Variants in KCNT1 observed in about 807,000 individuals in gnomAD.
The protein encoded by KCNT1 is potassium channel subfamily T member 1.
KCNT1 carries 78 observed loss-of-function variants against 147.8 expected under a neutral mutation model. That is an observed-to-expected ratio of 0.53 (90% CI 0.44 to 0.64). The LOEUF (loss-of-function observed/expected upper bound fraction) is 0.64. Ranked by LOEUF, KCNT1 falls within the 30% of genes least tolerant of loss-of-function variation. The pLI, the probability that KCNT1 is intolerant of heterozygous loss-of-function variation, is 0.00. For missense variants in KCNT1, 1,419 were observed against 1,750.3 expected, an observed-to-expected ratio of 0.81 and a Z score of 3.38; for synonymous variants, 867 against 748.8, an observed-to-expected ratio of 1.16 and a Z score of -2.58.
intron 11 of KCNT1, among the ~76,000 whole-genome samples, chr9:135,763,498 G>A (rs1832052622): frequency 6.6e-6 from 1 of 152,206 alleles, no homozygotes; most frequent in African/African-American, 2.4e-5. Context: ...CGCCAGCCCT[G>A]GAGGACAGAA....
At chr9:135,716,776 T>G (rs538875608) in intron 2 of KCNT1, among the ~76,000 whole-genome samples, 1 of 152,078 alleles carries the variant, frequency 6.6e-6, no homozygotes, top group Non-Finnish European at 1.5e-5. Context: ...GAAAGGCCCA[T>G]GGGGTACAGG....
At chr9:135,763,983 G>A (rs1832086760) in intron 11 of KCNT1, among the ~76,000 whole-genome samples, 1 of 152,144 alleles carries the variant, frequency 6.6e-6, no homozygotes, top group South Asian at 2.1e-4. Context: ...CGGTCGCCCT[G>A]GAGTCTTGAG....
chr9:135,779,882 A>C (rs1184150447), intron 24 of KCNT1, among the ~76,000 whole-genome samples: 1 of 152,260 alleles, frequency 6.6e-6, no homozygotes, highest in Admixed American at 6.5e-5. Flanking sequence ...CGGCTGCACC[A>C]TTCCAGACTT....
At chr9:135,782,591 CCCTGCTG>C in intron 24 of KCNT1, among the ~76,000 whole-genome samples, 2 of 152,220 alleles carry the variant, frequency 1.3e-5, no homozygotes, top group East Asian at 3.8e-4. Context: ...CCCGCTCAGC[CCCTGCTG>C]AAGCCCTCCT....
At chr9:135,757,521 G>A in intron 9 of KCNT1, 140 bp downstream of exon 9, 1 of 721,406 alleles carries the variant, frequency 1.4e-6, no homozygotes, top group Non-Finnish European at 2.4e-6. Context: ...CAGGGCAGCA[G>A]AAACTCTGTC....
Position 135,725,759 on chromosome 9 carries a change from C to T in KCNT1, c.254+11039C>T, listed in dbSNP as rs143259624. On this transcript the variant is annotated intron_variant, in intron 2 of 30. Coordinates refer to ENST00000371757, the MANE Select transcript of KCNT1 (RefSeq NM_020822.3). ...CCTTGCTGGGTTTGGGACCCTCAGC[C>T]GGGTCCAGGCGGACAGAGTCTGTTT... Among the ~76,000 whole-genome samples the T allele has an allele frequency of 7.8e-3, 1,183 of 152,344 alleles. 11 individuals are homozygous for T. Among genetic ancestry groups the T allele is most frequent in the Non-Finnish European group, 0.012 (786 of 68,032 alleles).
At position 135,784,198 on chromosome 9, in the gene KCNT1, G is replaced by A. The variant is rs375540013; in HGVS notation, c.2943+73G>A. On this transcript the variant is annotated intron_variant, in intron 25 of 30. Coordinates refer to ENST00000371757, the MANE Select transcript of KCNT1 (RefSeq NM_020822.3). ...CGTCATGCCCTCAGCTCTTCAGCCTGGTCCCTGTTCTGAATGATAGGACTC... is the reference window on the plus strand; with the variant it reads ...CGTCATGCCCTCAGCTCTTCAGCCTAGTCCCTGTTCTGAATGATAGGACTC... The A allele has an allele frequency of 1.5e-4, 186 of 1,203,898 alleles. No individual in the cohort carries two copies. The African/African-American group carries it at 2.6e-3, about 17-fold the overall frequency. 74.6% of individuals were successfully genotyped at this position (1,203,898 alleles called of 1,614,324 possible).
chr9:135,789,576 G>A (rs544846963), intron 29 of KCNT1: 2 of 152,398 alleles, frequency 1.3e-5, no homozygotes, highest in South Asian at 2.1e-4. Context: ...GAAGGAAACT[G>A]AGGCTCGGGT....
At chr9:135,706,700 T>C (rs1312310157) in intron 1 of KCNT1, among the ~76,000 whole-genome samples, 1 of 152,174 alleles carries the variant, frequency 6.6e-6, no homozygotes, top group African/African-American at 2.4e-5. Flanking sequence ...CAGGCACCAA[T>C]AGTGCTTTTG....
At chr9:135,708,236 C>T (rs1303761040) in intron 1 of KCNT1, among the ~76,000 whole-genome samples, 1 of 152,168 alleles carries the variant, frequency 6.6e-6, no homozygotes, top group Non-Finnish European at 1.5e-5. Context: ...ACACATATGT[C>T]CACATGTGCA....
intron 2 of KCNT1, among the ~76,000 whole-genome samples, chr9:135,746,362 A>AG (rs2031219493): frequency 1.3e-5 from 2 of 152,092 alleles, no homozygotes; most frequent in South Asian, 2.1e-4. Flanking sequence ...TCTCTCCCTA[A>AG]GGGGGGCTCA....
At chr9:135,735,701 G>A (rs1340511815) in intron 2 of KCNT1, among the ~76,000 whole-genome samples, 1 of 152,122 alleles carries the variant, frequency 6.6e-6, no homozygotes, top group Non-Finnish European at 1.5e-5. Context: ...GTTGGTTGGG[G>A]GAAGAAATAG....
At position 135,786,207 on chromosome 9, in the gene KCNT1, C is replaced by G. The variant is rs1161728281; in HGVS notation, c.3188C>G (p.Ser1063Trp). The change falls in exon 29 of 31, where the codon TCG becomes TGG. Residue 1063 changes from serine to tryptophan, a missense_variant. Coordinates refer to ENST00000371757, the MANE Select transcript of KCNT1 (RefSeq NM_020822.3). ...PHDLRAQSQI[S>W]VNVEDCEDTR... ...CCCTGCCCTGCCCAGTCCCAGATCT[C>G]GGTGAACGTGGAGGACTGTGAGGAC... 6.2e-7 allele frequency: 1 copy of G among 1,607,606 alleles called. No homozygotes were observed. The highest frequency in any genetic ancestry group is 1.1e-5 in the South Asian group (1 of 90,662).
chr9:135,788,290 C>A, intron 29 of KCNT1: 1 of 810,932 alleles, frequency 1.2e-6, no homozygotes, highest in Non-Finnish European at 2.1e-6. Flanking sequence ...TCCCAGGTGT[C>A]AGCCCAGGCG....
intron 2 of KCNT1, among the ~76,000 whole-genome samples, chr9:135,719,862 C>T (rs1835856823): frequency 6.6e-6 from 1 of 152,210 alleles, no homozygotes. Flanking sequence ...CAGTGCAGGC[C>T]TCCCGGGGTC....
At position 135,756,923 on chromosome 9, in the gene KCNT1, C is replaced by G. The variant is rs760197894; in HGVS notation, c.591C>G (p.Leu197=). 6.2e-7 allele frequency: 1 copy of G among 1,612,950 alleles called. No individual in the cohort carries two copies. Among genetic ancestry groups the G allele is most frequent in the Non-Finnish European group, 8.5e-7 (1 of 1,179,914 alleles). ...TGGAGACGATGCTTCTCATCTACCT[C>G]AGCTACAAAGTGAGTGCCTGCCCGG... is the stretch of plus-strand genomic sequence containing the variant. ...SFLETMLLIY[L]SYKGNIWEQI... Residue 197 remains leucine, a synonymous_variant, in exon 7 of 31, where the codon CTC becomes CTG. Transcript: ENST00000371757.
At position 135,792,351 on chromosome 9, in the gene KCNT1, G is replaced by A. The variant is rs1834603924; in HGVS notation, c.*190G>A. ...AGGGCCAGCTCACCCCTGGGCACCT[G>A]CAGGCTAGTGAGGAGAGTTTTTTAA... On this transcript the variant is annotated 3_prime_UTR_variant, in exon 31 of 31. Coordinates refer to ENST00000371757, the MANE Select transcript of KCNT1 (RefSeq NM_020822.3). 1 of 636,824 alleles carries A rather than the reference G, an allele frequency of 1.6e-6. No individual in the cohort carries two copies. Among genetic ancestry groups the A allele is most frequent in the Non-Finnish European group, 2.6e-6 (1 of 381,112 alleles). The allele number at this position is 636,824 out of a possible 1,614,324, so 39.4% of individuals were successfully genotyped here.
chr9:135,742,484 G>T (rs886185967), intron 2 of KCNT1, among the ~76,000 whole-genome samples: 1 of 152,196 alleles, frequency 6.6e-6, no homozygotes, highest in Non-Finnish European at 1.5e-5. Context: ...ACCTCCAAGC[G>T]GGCTGTGCTG....
At chr9:135,767,534 G>A (rs764520916) in intron 13 of KCNT1, among the ~76,000 whole-genome samples, 8 of 152,118 alleles carry the variant, frequency 5.3e-5, no homozygotes, top group East Asian at 1.9e-4. Flanking sequence ...GCCAGGGAGC[G>A]GACAGGGTCT....
Sources: allele counts gnomAD v4.1 joint callset (sites outside exome capture counted in the v4.1 genomes callset), GRCh38; gene constraint gnomAD v4.1.1; transcripts MANE v1.5; gene names NCBI Gene and HGNC (gene_info 2026-07-23, HGNC 2026-07-21).